ROR1: variants seen among roughly 807,000 people sequenced by gnomAD.
ROR1 encodes the protein ROR family WNT receptor 1.
ROR1 carries 19 observed loss-of-function variants against 78.8 expected under a neutral mutation model. The observed-to-expected ratio is 0.24, with a 90% CI of 0.17 to 0.35. The LOEUF (loss-of-function observed/expected upper bound fraction) is 0.35, where lower values mean the gene tolerates loss of function less well. Ranked by LOEUF, ROR1 falls within the 10% of genes least tolerant of loss-of-function variation. ROR1 has a pLI of 1.00. For missense variants in ROR1, 917 were observed against 1,177.8 expected, an observed-to-expected ratio of 0.78 and a Z score of 3.24; for synonymous variants, 386 against 433.6, an observed-to-expected ratio of 0.89 and a Z score of 1.36.
At chr1:63,942,927 A>C (rs529928700) in intron 1 of ROR1, among the ~76,000 whole-genome samples, 1 of 151,958 alleles carries the variant, frequency 6.6e-6, no homozygotes, top group South Asian at 2.1e-4. Context: ...CTATCTCTAC[A>C]AAAAATAATA....
intron 5 of ROR1, 79 bp from the exon 6 acceptor site, chr1:64,140,030 T>C: frequency 7.6e-7 from 1 of 1,316,728 alleles, no homozygotes; most frequent in African/African-American, 1.5e-5. Context: ...TGTGTGTTTA[T>C]ATCTGATATC....
At chr1:63,992,445 A>G (rs1222527512) in intron 1 of ROR1, among the ~76,000 whole-genome samples, 1 of 152,114 alleles carries the variant, frequency 6.6e-6, no homozygotes, top group Non-Finnish European at 1.5e-5. Context: ...TGACCTCATG[A>G]TCCACCCGCC....
chr1:63,977,872 G>T (rs1162751477), intron 1 of ROR1, among the ~76,000 whole-genome samples: 1 of 152,168 alleles, frequency 6.6e-6, no homozygotes, highest in Non-Finnish European at 1.5e-5. Context: ...TACCTTTTTT[G>T]TAGAAGGAAA....
intron 6 of ROR1, among the ~76,000 whole-genome samples, 191 bp downstream of exon 6, chr1:64,140,617 A>G (rs1649282796): frequency 6.6e-6 from 1 of 152,234 alleles, no homozygotes; most frequent in Non-Finnish European, 1.5e-5. Flanking sequence ...CATGAAGACA[A>G]TAATTTTAAA....
chr1:63,972,331 AAC>A lies in ROR1; in HGVS notation c.92-36970_92-36969del, dbSNP rs200501199. 8.8e-4 allele frequency among the ~76,000 whole-genome samples: 134 copies of A among 152,214 alleles called. 3 individuals carry two copies. The East Asian group carries it at 0.024, about 27-fold the overall frequency. On this transcript the variant is annotated intron_variant, in intron 1 of 8. Coordinates refer to ENST00000371079, the MANE Select transcript of ROR1 (RefSeq NM_005012.4). ...CAGAGAGGTTACGTGATTTGCCTAA[AAC>A]ACAAAGTTTTAGGCAAAGTTAAGTC...
intron 1 of ROR1, among the ~76,000 whole-genome samples, chr1:63,854,813 A>G (rs1645138423): frequency 6.6e-6 from 1 of 152,206 alleles, no homozygotes; most frequent in South Asian, 2.1e-4. Context: ...ACCCTGATGG[A>G]TGCCAAAATC....
At chr1:64,026,731 G>A (rs900344063) in intron 2 of ROR1, among the ~76,000 whole-genome samples, 4 of 152,012 alleles carry the variant, frequency 2.6e-5, no homozygotes, top group African/African-American at 4.8e-5. Flanking sequence ...GTGTGTGAAC[G>A]GGAAACTGTC....
At chr1:63,945,578 C>T (rs900147904) in intron 1 of ROR1, among the ~76,000 whole-genome samples, 1 of 152,116 alleles carries the variant, frequency 6.6e-6, no homozygotes, top group African/African-American at 2.4e-5. Flanking sequence ...TCTACTGTTG[C>T]CTGGATCGAC....
chr1:64,165,986 A>G (rs949754360), intron 8 of ROR1, among the ~76,000 whole-genome samples: 4 of 152,116 alleles, frequency 2.6e-5, no homozygotes, highest in African/African-American at 9.7e-5. Flanking sequence ...GATTACAGGC[A>G]TGAGCCACTA....
chr1:63,997,072 CT>C (rs1646342788), intron 1 of ROR1, among the ~76,000 whole-genome samples: 1 of 152,122 alleles, frequency 6.6e-6, no homozygotes, highest in Non-Finnish European at 1.5e-5. Flanking sequence ...TGCTTGGAAT[CT>C]TAATAGCTTT....
chr1:63,903,753 A>C lies in ROR1; in HGVS notation c.92-105552A>C, dbSNP rs374101243. ...CTATATATATCTATATAGTTGTATG[A>C]CATATAGATATATTTTTATATATAG... On this transcript the variant is annotated intron_variant, in intron 1 of 8. Coordinates refer to ENST00000371079, the MANE Select transcript of ROR1 (RefSeq NM_005012.4). Among the ~76,000 whole-genome samples, 15 of 151,992 alleles carry C rather than the reference A, an allele frequency of 9.9e-5. No individual in the cohort carries two copies. The East Asian group carries it at 1.7e-3, about 18-fold the overall frequency.
At chr1:64,159,485 C>T (rs112107777) in intron 8 of ROR1, among the ~76,000 whole-genome samples, 16 of 152,064 alleles carry the variant, frequency 1.1e-4, no homozygotes, top group Admixed American at 9.2e-4. Context: ...GGACTCAGAA[C>T]GTGAGCAATT....
intron 1 of ROR1, among the ~76,000 whole-genome samples, chr1:64,002,516 A>G (rs1613949): frequency 0.73 from 110,705 of 151,758 alleles, 41,627 homozygotes; most frequent in East Asian, 0.94. Flanking sequence ...CTATAGTTCC[A>G]TGGAAGAGAG....
chr1:64,007,408 G>T (rs1371923267), intron 1 of ROR1, among the ~76,000 whole-genome samples: 3 of 151,192 alleles, frequency 2.0e-5, no homozygotes, highest in African/African-American at 7.3e-5. Context: ...GTGTGTGTGT[G>T]TAGACATAGC....
chr1:63,856,886 C>A (rs574590164), intron 1 of ROR1, among the ~76,000 whole-genome samples: 2 of 152,210 alleles, frequency 1.3e-5, no homozygotes, highest in South Asian at 4.2e-4. Flanking sequence ...TGTTAGGAGC[C>A]CTTTCTCTGG....
intron 1 of ROR1, among the ~76,000 whole-genome samples, chr1:63,778,264 G>A (rs1461820131): frequency 6.6e-6 from 1 of 152,196 alleles, no homozygotes; most frequent in Non-Finnish European, 1.5e-5. Flanking sequence ...TGAACTTCCA[G>A]AAATAATATA....
intron 4 of ROR1, among the ~76,000 whole-genome samples, chr1:64,124,709 A>G (rs753406574): frequency 2.6e-5 from 4 of 152,164 alleles, no homozygotes; most frequent in South Asian, 2.1e-4. Flanking sequence ...CAAATTACCA[A>G]CTTCTCAAAA....
chr1:63,981,977 G>A (rs1186865147), intron 1 of ROR1, among the ~76,000 whole-genome samples: 1 of 151,796 alleles, frequency 6.6e-6, no homozygotes. Flanking sequence ...TTTTAAGGCT[G>A]TTTTGTCCTA....
At chr1:63,801,585 G>C (rs1000621885) in intron 1 of ROR1, among the ~76,000 whole-genome samples, 8 of 152,160 alleles carry the variant, frequency 5.3e-5, no homozygotes, top group Admixed American at 5.2e-4. Flanking sequence ...GTGAGCCACT[G>C]TGCCTGGCCG....
Sources: gnomAD v4.1 joint callset for allele counts (sites outside exome capture counted in the v4.1 genomes callset) on GRCh38, gnomAD v4.1.1 for gene constraint, MANE v1.5 for transcripts, NCBI Gene and HGNC (gene_info 2026-07-23, HGNC 2026-07-21) for gene names.